SLC12A6: variants seen among roughly 807,000 people sequenced by gnomAD.
SLC12A6 encodes the protein K-Cl cotransporter 3.
SLC12A6 carries 66 observed loss-of-function variants against 135.3 expected under a neutral mutation model. The observed-to-expected ratio is 0.49, with a 90% CI of 0.40 to 0.60. SLC12A6 has a LOEUF of 0.60. SLC12A6 is among the 20% of genes least tolerant of loss of function. SLC12A6 has a pLI of 0.00. For synonymous variants in SLC12A6, 513 were observed against 508.8 expected (o/e 1.01, Z -0.11); for missense variants, 1,058 against 1,452.3 (o/e 0.73, Z 4.41).
At chr15:34,273,212 G>T (rs530665400) in intron 3 of SLC12A6, among the ~76,000 whole-genome samples, 3 of 152,082 alleles carry the variant, frequency 2.0e-5, no homozygotes, top group Non-Finnish European at 4.4e-5. Context: ...TGAGCCAGGC[G>T]CTGTGGCGTG....
rs552491692 is a variant in SLC12A6 at position 34,230,039 on chromosome 15, C to A, written c.*3842G>T. The A allele has an allele frequency of 4.9e-4, 228 of 460,980 alleles. No individual in the cohort carries two copies. Among genetic ancestry groups the A allele is most frequent in the Middle Eastern group, 3.9e-3 (7 of 1,794 alleles). The allele number at this position is 460,980 out of a possible 1,614,324, so 28.6% of individuals were successfully genotyped here. On this transcript the variant is annotated 3_prime_UTR_variant, in exon 26 of 26. Transcript: ENST00000354181. ...CTTTATTTTTGTTTCCAGTACAGAG[C>A]AAAACAACAACAAAAAAACATAACT...
intron 13 of SLC12A6, among the ~76,000 whole-genome samples, chr15:34,247,942 C>A (rs1350933784): frequency 6.6e-6 from 1 of 152,152 alleles, no homozygotes; most frequent in Non-Finnish European, 1.5e-5. Context: ...TGACCTCAAA[C>A]AATCTTCTAG....
At position 34,231,490 on chromosome 15, in the gene SLC12A6, A is replaced by G. The variant is rs1245052577; in HGVS notation, c.*2391T>C. 6.6e-6 allele frequency: 1 copy of G among 152,202 alleles called. No homozygotes were observed. The highest frequency in any genetic ancestry group is 1.5e-5 in the Non-Finnish European group (1 of 68,044). The allele number at this position is 152,202 out of a possible 1,614,324, so 9.4% of individuals were successfully genotyped here. A position where few individuals can be genotyped will look rare whatever the true frequency, so the allele number is the denominator to read the frequency against. On this transcript the variant is annotated 3_prime_UTR_variant, in exon 26 of 26. Coordinates refer to ENST00000354181, the MANE Select transcript of SLC12A6 (RefSeq NM_001365088.1). ...CTACCATCTGTAGGAAGTAACAGAA[A>G]AAAAGACTTAAGATCCTATCCGCTT...
At chr15:34,296,018 C>T (rs1029705214) in intron 2 of SLC12A6, among the ~76,000 whole-genome samples, 2 of 152,064 alleles carry the variant, frequency 1.3e-5, no homozygotes, top group Admixed American at 6.6e-5. Flanking sequence ...AACAAACACA[C>T]AGTTTGGAAT....
chr15:34,301,204 G>A (rs975259782), intron 2 of SLC12A6, among the ~76,000 whole-genome samples: 1 of 152,064 alleles, frequency 6.6e-6, no homozygotes, highest in Non-Finnish European at 1.5e-5. Flanking sequence ...CCTGACCTCA[G>A]GTGAGGTCAG....
At position 34,240,858 on chromosome 15, in the gene SLC12A6, G is replaced by C. The variant is rs1360371523; in HGVS notation, c.2268-29C>G. 3 of 1,589,318 alleles carry C rather than the reference G, an allele frequency of 1.9e-6. No individual in the cohort carries two copies. The East Asian group carries it at 6.8e-5, about 36-fold the overall frequency. The stretch of plus-strand genomic sequence containing the variant: ...TGAAGAGGTTGGTGGGGGTTGGAGG[G>C]GAGGAGAAAACATTTTGGGTTTGGG... On this transcript the variant is annotated intron_variant, in intron 18 of 25. Coordinates refer to ENST00000354181, the MANE Select transcript of SLC12A6 (RefSeq NM_001365088.1).
intron 2 of SLC12A6, among the ~76,000 whole-genome samples, chr15:34,281,062 G>A (rs998082944): frequency 3.9e-5 from 6 of 152,088 alleles, no homozygotes; most frequent in Admixed American, 2.6e-4. Flanking sequence ...GAGGGCAGGG[G>A]GATAGGAAGA....
At position 34,318,716 on chromosome 15, in the gene SLC12A6, A is replaced by G. The variant is rs115130800; in HGVS notation, c.271+17694T>C. ...ATAATACTTTGCTCTTTCTGTATTTAAACTTCCTTCCAGTTAGTTTTCCCT... is the reference window on the plus strand; with the variant it reads ...ATAATACTTTGCTCTTTCTGTATTTGAACTTCCTTCCAGTTAGTTTTCCCT... On this transcript the variant is annotated intron_variant, in intron 2 of 25. Transcript: ENST00000354181. 12 of 1,612,434 alleles carry G rather than the reference A, an allele frequency of 7.4e-6. No individual in the cohort carries two copies. In the African/African-American group the frequency reaches 1.5e-4, roughly 20 times the overall value.
intron 2 of SLC12A6, among the ~76,000 whole-genome samples, chr15:34,305,986 C>T (rs1045771507): frequency 6.6e-6 from 1 of 152,092 alleles, no homozygotes; most frequent in African/African-American, 2.4e-5. Context: ...TGGTCTCGAT[C>T]TCCTGACCTC....
At chr15:34,250,780 A>G (rs1892330665) in intron 11 of SLC12A6, 51 bp from the exon 12 acceptor site, 1 of 1,356,908 alleles carries the variant, frequency 7.4e-7, no homozygotes, top group South Asian at 1.2e-5. Context: ...ACACTTTGAT[A>G]TTGATACTGA....
chr15:34,300,170 A>G (rs1446454881), intron 2 of SLC12A6, among the ~76,000 whole-genome samples: 1 of 152,198 alleles, frequency 6.6e-6, no homozygotes, highest in Non-Finnish European at 1.5e-5. Flanking sequence ...TGTATGGATC[A>G]ATATTGAACG....
chr15:34,278,037 T>A (rs1894413511), intron 2 of SLC12A6, among the ~76,000 whole-genome samples: 1 of 152,200 alleles, frequency 6.6e-6, no homozygotes, highest in Non-Finnish European at 1.5e-5. Flanking sequence ...TGCCAGGGAA[T>A]ACAACCTATG....
chr15:34,332,030 C>T (rs1385642677), intron 2 of SLC12A6, among the ~76,000 whole-genome samples: 1 of 152,120 alleles, frequency 6.6e-6, no homozygotes, highest in East Asian at 1.9e-4. Context: ...TGACCACAGT[C>T]TTTAATCTTT....
intron 3 of SLC12A6, among the ~76,000 whole-genome samples, chr15:34,267,096 T>C (rs1278710581): frequency 6.6e-6 from 1 of 151,428 alleles, no homozygotes; most frequent in Non-Finnish European, 1.5e-5. Context: ...AATTTTACTA[T>C]ATATCTTAAA....
chr15:34,298,304 G>A (rs923116295), intron 2 of SLC12A6, among the ~76,000 whole-genome samples: 6 of 151,848 alleles, frequency 4.0e-5, no homozygotes, highest in African/African-American at 1.5e-4. Flanking sequence ...GTGAAACCCC[G>A]TTTCTACTAA....
At chr15:34,284,683 C>G (rs1459087180) in intron 2 of SLC12A6, among the ~76,000 whole-genome samples, 3 of 152,068 alleles carry the variant, frequency 2.0e-5, no homozygotes, top group African/African-American at 7.2e-5. Context: ...GTAACAAAAT[C>G]CCTGCCATCA....
intron 16 of SLC12A6, 60 bp downstream of exon 16, chr15:34,243,914 C>G (rs1208707906): frequency 9.9e-7 from 1 of 1,013,624 alleles, no homozygotes; most frequent in Non-Finnish European, 1.6e-6. Flanking sequence ...TCCTAGTTTT[C>G]TAGTTCAAAG....
At chr15:34,300,793 C>CAAAAAA (rs71763739) in intron 2 of SLC12A6, among the ~76,000 whole-genome samples, 6 of 98,802 alleles carry the variant, frequency 6.1e-5, no homozygotes, top group African/African-American at 1.5e-4. Context: ...GACTCCGTCT[C>CAAAAAA]AAAAAAAAAA....
chr15:34,256,259 T>C lies in SLC12A6; in HGVS notation c.715A>G (p.Ser239Gly). 6.2e-7 allele frequency: 1 copy of C among 1,607,424 alleles called. No homozygotes were observed. Among genetic ancestry groups the C allele is most frequent in the Non-Finnish European group, 8.5e-7 (1 of 1,173,890 alleles). The change falls in exon 7 of 26, where the codon AGT becomes GGT. Residue 239 changes from serine to glycine, a missense_variant. Coordinates refer to ENST00000354181, the MANE Select transcript of SLC12A6 (RefSeq NM_001365088.1). The part of the protein sequence containing the change: ...CCTMLTAISM[S>G]AIATNGVVPA... ...ACCACTCCATTAGTGGCAATGGCAC[T>C]CATGGAGATAGCAGTCAACATTGTC... is the stretch of plus-strand genomic sequence containing the variant.
Sources: gnomAD v4.1 joint callset for allele counts (sites outside exome capture counted in the v4.1 genomes callset) on GRCh38, gnomAD v4.1.1 for gene constraint, MANE v1.5 for transcripts, NCBI Gene and HGNC (gene_info 2026-07-23, HGNC 2026-07-21) for gene names.